Variants in GRIK2 observed in about 807,000 individuals in gnomAD.
GRIK2 encodes glutamate receptor ionotropic, kainate 2.
Under a neutral mutation model 100.3 loss-of-function variants are expected in GRIK2, and 32 were observed. The observed-to-expected ratio is 0.32, with a 90% CI of 0.24 to 0.43. The LOEUF (loss-of-function observed/expected upper bound fraction) is 0.43, where lower values mean the gene tolerates loss of function less well. GRIK2 is among the 20% of genes least tolerant of loss of function. The probability of loss-of-function intolerance (pLI) is 1.00; values close to 1 mark genes in which losing one functional copy is unlikely to be tolerated. For synonymous variants in GRIK2, 417 were observed against 389.4 expected, an observed-to-expected ratio of 1.07 and a Z score of -0.83; for missense variants, 843 against 1,114.9, an observed-to-expected ratio of 0.76 and a Z score of 3.47.
At chr6:101,467,705 C>G (rs556752111) in intron 2 of GRIK2, among the ~76,000 whole-genome samples, 2 of 152,136 alleles carry the variant, frequency 1.3e-5, no homozygotes, top group African/African-American at 4.8e-5. Context: ...TGTCTATCTA[C>G]TCTATTCCCA....
At chr6:101,862,243 C>G (rs879291612) in intron 11 of GRIK2, among the ~76,000 whole-genome samples, 1 of 151,984 alleles carries the variant, frequency 6.6e-6, no homozygotes, top group Non-Finnish European at 1.5e-5. Flanking sequence ...GAAAAAAAGT[C>G]TCTCCTAGTG....
chr6:101,440,260 G>A (rs1769971480), intron 2 of GRIK2, among the ~76,000 whole-genome samples: 3 of 152,102 alleles, frequency 2.0e-5, no homozygotes, highest in African/African-American at 7.2e-5. Flanking sequence ...TTAGGTATAA[G>A]ACACAGCATG....
intron 2 of GRIK2, among the ~76,000 whole-genome samples, chr6:101,510,510 G>GTTTTTTT (rs142391999): frequency 2.1e-5 from 2 of 94,346 alleles, no homozygotes; most frequent in East Asian, 4.4e-4. Flanking sequence ...CAGTTGGGGA[G>GTTTTTTT]TTTTTTTTTT....
chr6:101,954,507 A>G (rs1791792960), intron 14 of GRIK2, among the ~76,000 whole-genome samples: 1 of 151,922 alleles, frequency 6.6e-6, no homozygotes, highest in African/African-American at 2.4e-5. Context: ...TCATTTTCTG[A>G]TAGTTCAATT....
intron 2 of GRIK2, among the ~76,000 whole-genome samples, chr6:101,525,833 G>T (rs976801519): frequency 6.6e-6 from 1 of 152,134 alleles, no homozygotes; most frequent in South Asian, 2.1e-4. Flanking sequence ...TATCCAGTTT[G>T]CATATTAATC....
At chr6:101,744,560 C>G (rs1309757811) in intron 7 of GRIK2, 1 of 55,908 alleles carries the variant, frequency 1.8e-5, no homozygotes, top group Admixed American at 1.9e-4. Flanking sequence ...ATATATATAT[C>G]ACAATTTCTT....
chr6:101,636,931 G>A (rs528691102), intron 4 of GRIK2, among the ~76,000 whole-genome samples: 1 of 152,192 alleles, frequency 6.6e-6, no homozygotes, highest in South Asian at 2.1e-4. Context: ...ATGTGGTGAA[G>A]TGGGAAGGAT....
At chr6:101,868,205 T>TA (rs561914967) in intron 11 of GRIK2, among the ~76,000 whole-genome samples, 2,601 of 136,574 alleles carry the variant, frequency 0.019, 85 homozygotes, top group African/African-American at 0.062. Flanking sequence ...AAATGCTTCT[T>TA]AAAAAAAAAA....
intron 2 of GRIK2, among the ~76,000 whole-genome samples, chr6:101,492,171 T>A (rs1467184047): frequency 1.3e-5 from 2 of 151,948 alleles, no homozygotes; most frequent in South Asian, 2.1e-4. Flanking sequence ...GAAAGTCTTA[T>A]ATCTAGATTA....
In GRIK2 at chr6:101,496,049, G is replaced by A. The variant is rs1773426197; in HGVS notation, c.115+96657G>A. On this transcript the variant is annotated intron_variant, in intron 2 of 16. Coordinates refer to ENST00000369134, the MANE Select transcript of GRIK2 (RefSeq NM_021956.5). ...CAACCTCTGCCTCCTGGGTTCAAAC[G>A]ATTCTCATGCCTCAGCTTCCCAAGT... 1.3e-5 allele frequency among the ~76,000 whole-genome samples: 2 copies of A among 152,040 alleles called. 1 individual carries two copies. The highest frequency in any genetic ancestry group is 2.9e-5 in the Non-Finnish European group (2 of 68,000).
intron 14 of GRIK2, among the ~76,000 whole-genome samples, chr6:102,013,406 C>T (rs1795653572): frequency 6.6e-6 from 1 of 152,092 alleles, no homozygotes; most frequent in Non-Finnish European, 1.5e-5. Flanking sequence ...CCCTCTCTTT[C>T]TACTTGGGTG....
chr6:101,834,848 A>T (rs1782958703), intron 10 of GRIK2, among the ~76,000 whole-genome samples: 1 of 150,890 alleles, frequency 6.6e-6, no homozygotes, highest in Admixed American at 6.6e-5. Flanking sequence ...ATAATAAAAT[A>T]AAAAAAAATA....
chr6:101,916,458 A>G (rs1190793969), intron 12 of GRIK2, among the ~76,000 whole-genome samples: 9 of 151,594 alleles, frequency 5.9e-5, no homozygotes, highest in Non-Finnish European at 1.2e-4. Flanking sequence ...GTGAAAATTA[A>G]GGAATTACTC....
intron 7 of GRIK2, among the ~76,000 whole-genome samples, chr6:101,696,719 T>G (rs1439529796): frequency 1.3e-5 from 2 of 151,990 alleles, no homozygotes; most frequent in Middle Eastern, 3.4e-3. Context: ...TCATCTTCAT[T>G]TTATAGATTC....
At chr6:101,709,022 G>C (rs1773525676) in intron 7 of GRIK2, among the ~76,000 whole-genome samples, 1 of 151,580 alleles carries the variant, frequency 6.6e-6, no homozygotes, top group African/African-American at 2.4e-5. Flanking sequence ...ACCATAGTTA[G>C]TCAATTTAAA....
intron 2 of GRIK2, among the ~76,000 whole-genome samples, chr6:101,521,977 A>C (rs1774902577): frequency 6.6e-6 from 1 of 152,088 alleles, no homozygotes; most frequent in Non-Finnish European, 1.5e-5. Context: ...GAAATTAGTA[A>C]TTATTTCAGG....
At chr6:101,576,273 G>A (rs1777783148) in intron 2 of GRIK2, among the ~76,000 whole-genome samples, 1 of 151,840 alleles carries the variant, frequency 6.6e-6, no homozygotes, top group African/African-American at 2.4e-5. Context: ...ATTTCCAAGG[G>A]ACATTTCAAA....
At chr6:101,871,027 A>T (rs1286846226) in intron 11 of GRIK2, among the ~76,000 whole-genome samples, 1 of 152,006 alleles carries the variant, frequency 6.6e-6, no homozygotes, top group Middle Eastern at 3.4e-3. Context: ...CGTACTTCAA[A>T]TGAGATTTGA....
chr6:101,418,364 G>C (rs963990913), intron 2 of GRIK2, among the ~76,000 whole-genome samples: 2 of 152,148 alleles, frequency 1.3e-5, no homozygotes, highest in African/African-American at 4.8e-5. Flanking sequence ...TCAGTGCAGA[G>C]TTTAACAGCC....
Sources: gnomAD v4.1 joint callset for allele counts (sites outside exome capture counted in the v4.1 genomes callset) on GRCh38, gnomAD v4.1.1 for gene constraint, MANE v1.5 for transcripts, NCBI Gene and HGNC (gene_info 2026-07-23, HGNC 2026-07-21) for gene names.